Variants in KIR2DL3 observed in about 807,000 individuals in gnomAD.
KIR2DL3 encodes killer cell immunoglobulin like receptor, two Ig domains and long cytoplasmic tail 3, also known as killer cell immunoglobulin-like receptor 2DL3.
KIR2DL3 carries 39 observed loss-of-function variants against 33.8 expected under a neutral mutation model. The observed-to-expected ratio is 1.15, with a 90% CI of 0.89 to 1.51. The LOEUF is 1.51. Among genes scored for constraint, KIR2DL3 ranks in the 40% most tolerant of loss-of-function variants. The pLI is 0.00. For synonymous variants in KIR2DL3, 174 were observed against 160.2 expected, an observed-to-expected ratio of 1.09 and a Z score of -0.65; for missense variants, 462 against 426.2, an observed-to-expected ratio of 1.08 and a Z score of -0.74.
In KIR2DL3 at chr19:54,751,333, G is replaced by T. The variant is rs8100229; in HGVS notation, c.716-316G>T. On this transcript the variant is annotated intron_variant, in intron 5 of 7. Coordinates refer to ENST00000342376, the MANE Select transcript of KIR2DL3 (RefSeq NM_015868.3). ...ACCCCGTCTCCTTGGGACAGCATTG[G>T]TCTGTTCATGATGGATCCACCTCCA... 9.7e-4 allele frequency among the ~76,000 whole-genome samples: 114 copies of T among 117,282 alleles called. 1 individual carries two copies. The highest frequency in any genetic ancestry group is 3.3e-3 in the South Asian group (10 of 3,008). 76.9% of individuals were successfully genotyped at this position (117,282 alleles called of 152,430 possible).
chr19:54,746,411 T>C (rs185076705), intron 4 of KIR2DL3, among the ~76,000 whole-genome samples: 84 of 146,418 alleles, frequency 5.7e-4, no homozygotes, highest in African/African-American at 1.8e-3. Context: ...ATCCCAATGG[T>C]CTATTTTTGC....
At chr19:54,741,341 A>ATAAT (rs1186570029) in intron 2 of KIR2DL3, among the ~76,000 whole-genome samples, 1 of 150,464 alleles carries the variant, frequency 6.6e-6, no homozygotes, top group Non-Finnish European at 1.5e-5. Context: ...CTCTGTCTCC[A>ATAAT]TAATTAATTA....
At chr19:54,741,203 G>C (rs2071024904) in intron 2 of KIR2DL3, among the ~76,000 whole-genome samples, 1 of 151,420 alleles carries the variant, frequency 6.6e-6, no homozygotes, top group Non-Finnish European at 1.5e-5. Context: ...GCCAGGCATG[G>C]TGGCAGGTGC....
At chr19:54,751,038 G>T (rs1470165596) in intron 5 of KIR2DL3, among the ~76,000 whole-genome samples, 1 of 132,548 alleles carries the variant, frequency 7.5e-6, no homozygotes, top group Admixed American at 7.8e-5. Context: ...TTGCTCTAAA[G>T]GAACACTTGA....
intron 4 of KIR2DL3, 34 bp from the exon 5 acceptor site, chr19:54,747,301 C>G (rs778878640): frequency 1.9e-6 from 3 of 1,608,138 alleles, no homozygotes; most frequent in Non-Finnish European, 2.6e-6. Flanking sequence ...CAGACACCCT[C>G]ATTTCCTCAC....
rs1686957251 is a variant in KIR2DL3 at position 54,750,405 on chromosome 19, C to T, written c.716-1244C>T. On this transcript the variant is annotated intron_variant, in intron 5 of 7. Transcript: ENST00000342376. Reference sequence around the variant, plus strand: ...CCAGCCTCTCGGGTAGAACAGCAGCCTAACATGTGTCTCCCGAGATCACAA... The same window carrying T: ...CCAGCCTCTCGGGTAGAACAGCAGCTTAACATGTGTCTCCCGAGATCACAA... Among the ~76,000 whole-genome samples, 3 of 142,318 alleles carry T rather than the reference C, an allele frequency of 2.1e-5. No homozygotes were observed. The South Asian group carries it at 6.8e-4, about 32-fold the overall frequency. The allele number at this position is 142,318 out of a possible 152,430, so 93.4% of individuals were successfully genotyped here. A position where few individuals can be genotyped will look rare whatever the true frequency, so the allele number is the denominator to read the frequency against.
At position 54,745,300 on chromosome 19, in the gene KIR2DL3, G is replaced by C. The variant is rs1346349833; in HGVS notation, c.664+1212G>C. 2.0e-5 allele frequency among the ~76,000 whole-genome samples: 3 copies of C among 152,086 alleles called. No individual in the cohort carries two copies. The South Asian group carries it at 6.2e-4, about 32-fold the overall frequency. On this transcript the variant is annotated intron_variant, in intron 4 of 7. Coordinates refer to ENST00000342376, the MANE Select transcript of KIR2DL3 (RefSeq NM_015868.3). Reference sequence around the variant, plus strand: ...TCGATATATTGATTTACTTTCCTTTGGATATAAACCCAGTAGTGAAATTGC... The same window carrying C: ...TCGATATATTGATTTACTTTCCTTTCGATATAAACCCAGTAGTGAAATTGC...
chr19:54,744,909 CACATATATAAACAT>C (rs1197311638), intron 4 of KIR2DL3, among the ~76,000 whole-genome samples: 67 of 41,558 alleles, frequency 1.6e-3, no homozygotes, highest in African/African-American at 5.2e-3. Flanking sequence ...CACACACACA[CACATATATAAACAT>C]ATATATATAT....
chr19:54,743,150 A>T (rs1485626370), intron 3 of KIR2DL3, among the ~76,000 whole-genome samples: 30 of 152,196 alleles, frequency 2.0e-4, no homozygotes, highest in African/African-American at 6.0e-4. Context: ...GACAGATGAT[A>T]GATGGATAGA....
rs2071735919 is a variant in KIR2DL3 at position 54,744,000 on chromosome 19, CG to C, written c.578del (p.Gly193GlufsTer55). ...ACTTTCCTCTGGGCCCTGCCACCCA[CG>C]GAGGAACCTACAGATGCTTCGGCTC... Reference protein sequence around the residue: ...ADFPLGPATHGGTYRCFGSFR... With the variant: ...ADFPLGPATHXGTYRCFGSFR... On this transcript the variant is annotated frameshift_variant, in exon 4 of 8. Transcript: ENST00000342376. LOFTEE classifies it high-confidence loss of function. 1 of 1,410,850 alleles carries C rather than the reference CG, an allele frequency of 7.1e-7. No homozygotes were observed. The highest frequency in any genetic ancestry group is 1.8e-5 in the Admixed American group (1 of 55,930). 87.4% of individuals were successfully genotyped at this position (1,410,850 alleles called of 1,614,324 possible).
chr19:54,750,258 G>A lies in KIR2DL3; in HGVS notation c.716-1391G>A, dbSNP rs1167505653. On this transcript the variant is annotated intron_variant, in intron 5 of 7. Transcript: ENST00000342376. ...GAGGTAAACATTGATACTCCTTGGA[G>A]TGAGTCCAGATCTTGGAATCAGAGA... 2.2e-5 allele frequency among the ~76,000 whole-genome samples: 3 copies of A among 135,164 alleles called. No individual in the cohort carries two copies. The East Asian group carries it at 5.9e-4, about 27-fold the overall frequency. 88.7% of individuals were successfully genotyped at this position (135,164 alleles called of 152,430 possible). A position where few individuals can be genotyped will look rare whatever the true frequency, so the allele number is the denominator to read the frequency against.
intron 5 of KIR2DL3, among the ~76,000 whole-genome samples, chr19:54,749,125 T>A (rs1182899145): frequency 1.3e-5 from 2 of 151,748 alleles, no homozygotes; most frequent in African/African-American, 4.9e-5. Context: ...GAAGAGGCTC[T>A]GCCTCAAATG....
At chr19:54,744,504 T>C (rs1250561984) in intron 4 of KIR2DL3, among the ~76,000 whole-genome samples, 2 of 151,976 alleles carry the variant, frequency 1.3e-5, no homozygotes, top group Admixed American at 6.6e-5. Flanking sequence ...AGGATAAATA[T>C]ACCTATATAG....
intron 5 of KIR2DL3, among the ~76,000 whole-genome samples, chr19:54,749,991 A>G (rs1425341656): frequency 1.6e-5 from 2 of 128,944 alleles, no homozygotes; most frequent in African/African-American, 3.0e-5. Flanking sequence ...CTATTTCTCT[A>G]TAATTACTTC....
At position 54,739,445 on chromosome 19, in the gene KIR2DL3, G is replaced by A. The variant is rs1183368070; in HGVS notation, c.35-62G>A. ...GCTGCCAAGACTCACAGCCCAGTGG[G>A]GGCAGCAAGGGAGGCCTGGTTTGCC... On this transcript the variant is annotated intron_variant, in intron 1 of 7. Transcript: ENST00000342376. The A allele has an allele frequency of 5.6e-6, 9 of 1,612,082 alleles. No homozygotes were observed. The African/African-American group carries it at 1.1e-4, about 19-fold the overall frequency.
At chr19:54,748,869 C>T (rs62124364) in intron 5 of KIR2DL3, among the ~76,000 whole-genome samples, 4 of 149,296 alleles carry the variant, frequency 2.7e-5, no homozygotes, top group African/African-American at 5.0e-5. Context: ...TCAAGTGATC[C>T]GACCGTCTCA....
chr19:54,742,034 A>C lies in KIR2DL3; in HGVS notation c.125A>C (p.Glu42Ala). The change falls in exon 3 of 8, where the codon GAA becomes GCA. Residue 42 changes from glutamate (E) to alanine (A), a missense_variant. By Grantham distance (107) the Glu-to-Ala change is moderately radical. Coordinates refer to ENST00000342376, the MANE Select transcript of KIR2DL3 (RefSeq NM_015868.3). ...LAHPGPLVKS[E>A]ETVILQCWSD... ...CACCCAGGTCCCCTGGTGAAATCAGAAGAGACAGTCATCCTGCAATGTTGG... is the reference window on the plus strand; with the variant it reads ...CACCCAGGTCCCCTGGTGAAATCAGCAGAGACAGTCATCCTGCAATGTTGG... 1 of 1,612,622 alleles carries C rather than the reference A, an allele frequency of 6.2e-7. No homozygotes were observed. Among genetic ancestry groups the C allele is most frequent in the East Asian group, 2.2e-5 (1 of 44,874 alleles).
At chr19:54,744,954 A>ATATTTT (rs1398407460) in intron 4 of KIR2DL3, among the ~76,000 whole-genome samples, 3 of 31,274 alleles carry the variant, frequency 9.6e-5, no homozygotes, top group Non-Finnish European at 1.8e-4. Flanking sequence ...ATATATATAT[A>ATATTTT]TTTTTTTTTT....
chr19:54,748,147 C>T (rs1476765060), intron 5 of KIR2DL3, among the ~76,000 whole-genome samples: 1 of 150,178 alleles, frequency 6.7e-6, no homozygotes, highest in Non-Finnish European at 1.5e-5. Flanking sequence ...TCCCCTTCCT[C>T]CTTCCTCAAA....
Sources: gnomAD v4.1 joint callset for allele counts (sites outside exome capture counted in the v4.1 genomes callset) on GRCh38, gnomAD v4.1.1 for gene constraint, MANE v1.5 for transcripts, NCBI Gene and HGNC (gene_info 2026-07-23, HGNC 2026-07-21) for gene names.